The following PDE4D variants were observed in gnomAD, a reference collection of about 807,000 sequenced individuals.
PDE4D encodes the protein phosphodiesterase 4D.
Under a neutral mutation model 87.4 loss-of-function variants are expected in PDE4D, and 24 were observed. That is an observed-to-expected ratio of 0.27 (90% CI 0.20 to 0.39). The LOEUF (loss-of-function observed/expected upper bound fraction) is 0.39. Among genes scored for constraint, PDE4D ranks in the 10% least tolerant of loss-of-function variants. PDE4D has a pLI of 1.00. For missense variants in PDE4D, 714 were observed against 1,041.0 expected (o/e 0.69, Z 4.32); for synonymous variants, 384 against 383.2 (o/e 1.00, Z -0.02).
intron 3 of PDE4D, among the ~76,000 whole-genome samples, chr5:59,923,075 T>C (rs1754847884): frequency 6.6e-6 from 1 of 152,088 alleles, no homozygotes; most frequent in African/African-American, 2.4e-5. Context: ...CAGGCAGCAC[T>C]TGCCATAGGT....
At chr5:59,554,414 G>A (rs1818580140) in intron 1 of PDE4D, among the ~76,000 whole-genome samples, 1 of 152,114 alleles carries the variant, frequency 6.6e-6, no homozygotes, top group South Asian at 2.1e-4. Flanking sequence ...CAGATGGCAA[G>A]TGACCAGGCC....
chr5:59,260,167 T>C (rs1180417104), intron 1 of PDE4D, among the ~76,000 whole-genome samples: 2 of 151,824 alleles, frequency 1.3e-5, no homozygotes, highest in Non-Finnish European at 2.9e-5. Context: ...CCATTCTGAA[T>C]TTGGACACTA....
At chr5:60,479,640 C>T (rs750224249) in intron 1 of PDE4D, among the ~76,000 whole-genome samples, 7 of 152,188 alleles carry the variant, frequency 4.6e-5, no homozygotes, top group Non-Finnish European at 7.4e-5. Flanking sequence ...TTAGGCTATA[C>T]AGACCATATG....
intron 5 of PDE4D, among the ~76,000 whole-genome samples, chr5:59,100,730 T>C (rs894320413): frequency 2.0e-5 from 3 of 152,222 alleles, no homozygotes; most frequent in African/African-American, 7.2e-5. Flanking sequence ...ACATCTTGTC[T>C]CATTTGATTC....
intron 1 of PDE4D, among the ~76,000 whole-genome samples, chr5:60,513,146 A>C (rs1750649280): frequency 6.6e-6 from 1 of 152,220 alleles, no homozygotes; most frequent in Non-Finnish European, 1.5e-5. Flanking sequence ...ACAAACATTA[A>C]GATTTTATTC....
intron 1 of PDE4D, among the ~76,000 whole-genome samples, chr5:59,881,003 A>G (rs923860626): frequency 2.0e-5 from 3 of 152,204 alleles, no homozygotes; most frequent in Non-Finnish European, 4.4e-5. Context: ...AATAATACAT[A>G]AAGTTAAAAA....
At position 59,396,808 on chromosome 5, in the gene PDE4D, A is replaced by C. The variant is rs1332812425; in HGVS notation, c.456-180840T>G. 1.7e-5 allele frequency among the ~76,000 whole-genome samples: 2 copies of C among 117,884 alleles called. 1 individual carries two copies. Among genetic ancestry groups the C allele is most frequent in the Non-Finnish European group, 3.6e-5 (2 of 55,880 alleles). The allele number at this position is 117,884 out of a possible 152,430, so 77.3% of individuals were successfully genotyped here. The stretch of plus-strand genomic sequence containing the variant: ...CTGGCAAATTGGATAAAGAGTCAAC[A>C]CCCATCAGTGTGCTGTATTCAGGAA... On this transcript the variant is annotated intron_variant, in intron 1 of 14. Transcript: ENST00000340635.
At chr5:59,497,938 A>T (rs1231316966) in intron 1 of PDE4D, among the ~76,000 whole-genome samples, 1 of 152,076 alleles carries the variant, frequency 6.6e-6, no homozygotes, top group African/African-American at 2.4e-5. Context: ...CAGTCATATC[A>T]TCTATAAAGG....
At chr5:59,059,721 G>C (rs1267403611) in intron 5 of PDE4D, among the ~76,000 whole-genome samples, 1 of 152,060 alleles carries the variant, frequency 6.6e-6, no homozygotes, top group Non-Finnish European at 1.5e-5. Context: ...AAATATTCTA[G>C]CACAAAATAA....
rs189181057 is a variant in PDE4D at position 60,049,963 on chromosome 5, G to A, written c.43-61246C>T. ...GGCAATGGTGGGCGCCCCTCCCCCA[G>A]CCTCGCTGCCACCTTGCAGTTTGAT... On this transcript the variant is annotated intron_variant, in intron 2 of 16. Transcript: ENST00000502484. 2.6e-3 allele frequency among the ~76,000 whole-genome samples: 398 copies of A among 152,278 alleles called. 3 individuals carry two copies. The highest frequency in any genetic ancestry group is 8.7e-3 in the African/African-American group (362 of 41,556).
chr5:59,987,551 T>C (rs1582056884), intron 3 of PDE4D: 1 of 152,198 alleles, frequency 6.6e-6, no homozygotes, highest in African/African-American at 2.4e-5. Context: ...ACAACCTTCC[T>C]AACTTTAACA....
chr5:59,851,699 A>C (rs1038935395), intron 1 of PDE4D, among the ~76,000 whole-genome samples: 4 of 152,074 alleles, frequency 2.6e-5, no homozygotes, highest in Non-Finnish European at 4.4e-5. Flanking sequence ...GGGTCAAATG[A>C]AGTCAGAGAA....
chr5:60,071,399 C>T (rs1312762316), intron 2 of PDE4D, among the ~76,000 whole-genome samples: 2 of 152,060 alleles, frequency 1.3e-5, no homozygotes. Context: ...ACATTAAAAG[C>T]TGCCAAATTA....
At chr5:60,509,391 G>A (rs1014546261) in intron 1 of PDE4D, among the ~76,000 whole-genome samples, 3 of 152,138 alleles carry the variant, frequency 2.0e-5, no homozygotes, top group South Asian at 2.1e-4. Flanking sequence ...ACTGCTTCAC[G>A]CTCGTCCACA....
At chr5:60,022,860 A>C (rs1377212368) in intron 2 of PDE4D, 1 of 152,396 alleles carries the variant, frequency 6.6e-6, no homozygotes, top group African/African-American at 2.4e-5. Flanking sequence ...TGCCAAGTGG[A>C]AACCATTACA....
rs560799535 is a variant in PDE4D at position 59,067,749 on chromosome 5, T to C, written c.809-28778A>G. ...GTTCTTTTGTATTTAAAATCTGATA[T>C]AGAATTGTGCTGTTACAGAAGAAAT... On this transcript the variant is annotated intron_variant, in intron 5 of 14. Transcript: ENST00000340635. Among the ~76,000 whole-genome samples, 5 of 152,286 alleles carry C rather than the reference T, an allele frequency of 3.3e-5. No individual in the cohort carries two copies. In the East Asian group the frequency reaches 9.7e-4, roughly 29 times the overall value.
At chr5:59,948,041 T>C (rs930213392) in intron 3 of PDE4D, among the ~76,000 whole-genome samples, 3 of 152,162 alleles carry the variant, frequency 2.0e-5, no homozygotes, top group Admixed American at 6.5e-5. Flanking sequence ...ATCAAGGTAG[T>C]AATTTGTAAT....
chr5:59,646,642 A>T (rs1313041106), intron 1 of PDE4D, among the ~76,000 whole-genome samples: 1 of 152,198 alleles, frequency 6.6e-6, no homozygotes, highest in Admixed American at 6.5e-5. Flanking sequence ...GATTTGTGGC[A>T]AACGTTTTGA....
At chr5:59,975,853 A>G (rs142880443) in intron 3 of PDE4D, among the ~76,000 whole-genome samples, 367 of 152,292 alleles carry the variant, frequency 2.4e-3, no homozygotes, top group African/African-American at 8.4e-3. Context: ...TCCTGGAACC[A>G]TCTTATTTTG....
Sources: gnomAD v4.1 joint callset for allele counts (sites outside exome capture counted in the v4.1 genomes callset) on GRCh38, gnomAD v4.1.1 for gene constraint, MANE v1.5 for transcripts, NCBI Gene and HGNC (gene_info 2026-07-23, HGNC 2026-07-21) for gene names.